Variants in FA2H observed in about 807,000 individuals in gnomAD.
The protein encoded by FA2H is fatty acid alpha-hydroxylase.
In FA2H, 22 loss-of-function variants were observed where a neutral mutation model predicts 44.9. That is an observed-to-expected ratio of 0.49 (90% confidence interval 0.35 to 0.70). The LOEUF (loss-of-function observed/expected upper bound fraction) is 0.70, where lower values mean the gene tolerates loss of function less well. Among genes scored for constraint, FA2H ranks in the 30% least tolerant of loss-of-function variants. The probability of loss-of-function intolerance (pLI) is 0.01; values close to 1 mark genes in which losing one functional copy is unlikely to be tolerated. For missense variants in FA2H, 501 were observed against 504.9 expected (o/e 0.99, Z 0.07); for synonymous variants, 243 against 213.2 (o/e 1.14, Z -1.22).
chr16:74,741,916 G>A (rs1289720286), intron 1 of FA2H, among the ~76,000 whole-genome samples: 1 of 148,496 alleles, frequency 6.7e-6, no homozygotes, highest in Non-Finnish European at 1.5e-5. Flanking sequence ...AAGAAGAGTA[G>A]ATTTTATAGC....
chr16:74,767,442 C>T (rs35940755), intron 1 of FA2H, among the ~76,000 whole-genome samples: 4,857 of 152,294 alleles, frequency 0.032, 197 homozygotes, highest in East Asian at 0.18. Context: ...TGTGAATATG[C>T]TACCTGACTT....
At chr16:74,758,783 T>G (rs1006546619) in intron 1 of FA2H, among the ~76,000 whole-genome samples, 2 of 152,064 alleles carry the variant, frequency 1.3e-5, no homozygotes, top group Admixed American at 6.6e-5. Flanking sequence ...AAAAATAATT[T>G]AAAAAAATGC....
intron 2 of FA2H, among the ~76,000 whole-genome samples, chr16:74,731,069 T>G (rs1962062144): frequency 6.6e-6 from 1 of 152,178 alleles, no homozygotes; most frequent in Non-Finnish European, 1.5e-5. Flanking sequence ...ACTTTCAACC[T>G]GTGTATGTCT....
At chr16:74,770,714 G>C (rs1381302449) in intron 1 of FA2H, among the ~76,000 whole-genome samples, 1 of 152,204 alleles carries the variant, frequency 6.6e-6, no homozygotes, top group African/African-American at 2.4e-5. Flanking sequence ...TAGTTCTTAG[G>C]TTAGAACTCT....
chr16:74,735,082 A>ATGACCTCTTATG (rs1962155139), intron 2 of FA2H, among the ~76,000 whole-genome samples: 1 of 152,182 alleles, frequency 6.6e-6, no homozygotes, highest in South Asian at 2.1e-4. Flanking sequence ...GGGGCCGATG[A>ATGACCTCTTATG]TGACCTCTTT....
At chr16:74,762,163 C>T (rs1284657367) in intron 1 of FA2H, among the ~76,000 whole-genome samples, 1 of 151,996 alleles carries the variant, frequency 6.6e-6, no homozygotes, top group East Asian at 1.9e-4. Context: ...CTGCCTCAGC[C>T]GCCTGAGTAG....
At chr16:74,739,534 G>A (rs1567642125) in intron 2 of FA2H, among the ~76,000 whole-genome samples, 1 of 152,200 alleles carries the variant, frequency 6.6e-6, no homozygotes, top group Non-Finnish European at 1.5e-5. Context: ...TCCTAAGACT[G>A]CAGGCATCTC....
chr16:74,738,125 G>A (rs1234536925), intron 2 of FA2H, among the ~76,000 whole-genome samples: 1 of 152,202 alleles, frequency 6.6e-6, no homozygotes, highest in Non-Finnish European at 1.5e-5. Context: ...TCCGTCCAGA[G>A]TAGGCCTCCA....
chr16:74,729,245 G>C (rs1317498083), intron 2 of FA2H, among the ~76,000 whole-genome samples: 2 of 152,102 alleles, frequency 1.3e-5, no homozygotes, highest in Non-Finnish European at 2.9e-5. Context: ...CCCGATCCTC[G>C]TGATCTGCCC....
At chr16:74,772,016 T>A (rs189300988) in intron 1 of FA2H, among the ~76,000 whole-genome samples, 1 of 151,612 alleles carries the variant, frequency 6.6e-6, no homozygotes, top group African/African-American at 2.4e-5. Flanking sequence ...AGTGGCGTGA[T>A]CTTGGCTCAC....
At position 74,774,726 on chromosome 16, in the gene FA2H, G is replaced by A; in HGVS notation, c.30C>T (p.Ser10=). The change falls in exon 1 of 7, where the codon TCC becomes TCT. Residue 10 remains serine (S), a synonymous_variant. Transcript: ENST00000219368. ...GCCGCTGGACCTCGGAGGGCGAGAA[G>A]GAGGCGGCGGGGGGCGGAGCGGGGG... The part of the protein sequence containing the change: MAPAPPPAA[S]FSPSEVQRRL... 11 of 1,329,826 alleles carry A rather than the reference G, an allele frequency of 8.3e-6. No individual in the cohort carries two copies. Among genetic ancestry groups the A allele is most frequent in the Non-Finnish European group, 1.0e-5 (11 of 1,050,294 alleles). The allele number at this position is 1,329,826 out of a possible 1,614,324, so 82.4% of individuals were successfully genotyped here.
Position 74,716,514 on chromosome 16 carries a change from A to T in FA2H, c.872T>A (p.Ile291Asn), listed in dbSNP as rs1961704191. 1 of 1,613,282 alleles carries T rather than the reference A, an allele frequency of 6.2e-7. No individual in the cohort carries two copies. The change falls in exon 6 of 7, where the codon ATC becomes AAC. Residue 291 changes from isoleucine (I) to asparagine (N), a missense_variant. Physicochemically the swap from Ile to Asn is moderately radical, Grantham distance 149. Transcript: ENST00000219368. ...IGVFYLCMQL[I>N]LPEAVGGTVF... ...AGTGCCCCCTACTGCCTCGGGCAGG[A>T]TGAGCTGCATGCACAAGTAGAAGAC...
At chr16:74,728,327 T>G (rs756822233) in intron 2 of FA2H, among the ~76,000 whole-genome samples, 1 of 152,130 alleles carries the variant, frequency 6.6e-6, no homozygotes, top group Non-Finnish European at 1.5e-5. Context: ...CCAAGCAGGA[T>G]AGTTTAGTGG....
intron 1 of FA2H, among the ~76,000 whole-genome samples, chr16:74,761,236 T>A (rs1962702517): frequency 2.0e-5 from 3 of 152,146 alleles, no homozygotes; most frequent in Admixed American, 2.0e-4. Context: ...CAGATCACCC[T>A]GAGGTCAGGA....
In FA2H at chr16:74,774,436, A is replaced by C. The variant is rs748294241; in HGVS notation, c.270+50T>G. 3 of 1,461,832 alleles carry C rather than the reference A, an allele frequency of 2.1e-6. No homozygotes were observed. In the South Asian group the frequency reaches 4.3e-5, roughly 21 times the overall value. 90.6% of individuals were successfully genotyped at this position (1,461,832 alleles called of 1,614,324 possible). ...GTGAACGGGGCTCGCCCGGGAGTGG[A>C]AGGCTGACGGAGGCCTGGGTTGGGG... On this transcript the variant is annotated intron_variant, in intron 1 of 6. Coordinates refer to ENST00000219368, the MANE Select transcript of FA2H (RefSeq NM_024306.5).
chr16:74,733,277 G>A (rs940056932), intron 2 of FA2H, among the ~76,000 whole-genome samples: 2 of 152,204 alleles, frequency 1.3e-5, no homozygotes, highest in African/African-American at 4.8e-5. Flanking sequence ...TATGACTGGG[G>A]CCTCAGTCTC....
chr16:74,731,905 C>T (rs558835080), intron 2 of FA2H, among the ~76,000 whole-genome samples: 38 of 152,286 alleles, frequency 2.5e-4, no homozygotes, highest in South Asian at 2.3e-3. Flanking sequence ...CAGGGACTTG[C>T]TCTGTTGCCC....
rs1012086173 is a variant in FA2H, at chr16:74,769,745, C to T, written c.270+4741G>A. On this transcript the variant is annotated intron_variant, in intron 1 of 6. Transcript: ENST00000219368. The stretch of plus-strand genomic sequence containing the variant: ...CGCAGCTCAATAAGTGGACTTCATA[C>T]TCTGCTAACATGTGGCTGCAGCTGG... Among the ~76,000 whole-genome samples the T allele has an allele frequency of 3.9e-5, 6 of 152,340 alleles. No homozygotes were observed. In the East Asian group the frequency reaches 1.2e-3, roughly 29 times the overall value.
At chr16:74,751,931 G>A (rs1198485292) in intron 1 of FA2H, among the ~76,000 whole-genome samples, 2 of 152,078 alleles carry the variant, frequency 1.3e-5, no homozygotes, top group East Asian at 3.9e-4. Context: ...TCTCAAACCT[G>A]GCCCCGGTGA....
Sources: gnomAD v4.1 joint callset for allele counts (sites outside exome capture counted in the v4.1 genomes callset) on GRCh38, gnomAD v4.1.1 for gene constraint, MANE v1.5 for transcripts, NCBI Gene and HGNC (gene_info 2026-07-23, HGNC 2026-07-21) for gene names.